The following ZNF35 variants were observed in gnomAD, a reference collection of about 807,000 sequenced individuals.
ZNF35 encodes zinc finger protein 35.
Under a neutral mutation model 45.9 loss-of-function variants are expected in ZNF35, and 31 were observed. The ratio of observed to expected loss-of-function variants is 0.68; its 90% CI spans 0.51 to 0.91. The LOEUF (loss-of-function observed/expected upper bound fraction) is 0.91. ZNF35 is among the 40% of genes least tolerant of loss of function. The probability of loss-of-function intolerance (pLI) is 0.00; values close to 1 mark genes in which losing one functional copy is unlikely to be tolerated. For missense variants in ZNF35, 515 were observed against 625.4 expected (o/e 0.82, Z 1.88); for synonymous variants, 205 against 220.2 (o/e 0.93, Z 0.61).
intron 1 of ZNF35, among the ~76,000 whole-genome samples, chr3:44,649,067 C>T (rs906108955): frequency 6.6e-6 from 1 of 152,224 alleles, no homozygotes; most frequent in Non-Finnish European, 1.5e-5. Context: ...AGATAGGTCC[C>T]AGGGACAGGG....
intron 3 of ZNF35, among the ~76,000 whole-genome samples, chr3:44,655,841 C>G (rs1703290979): frequency 6.6e-6 from 1 of 152,190 alleles, no homozygotes; most frequent in South Asian, 2.1e-4. Context: ...GTTATTGGCT[C>G]TAATCAGTTT....
At position 44,659,114 on chromosome 3, in the gene ZNF35, G is replaced by T; in HGVS notation, c.751G>T (p.Glu251Ter). The T allele has an allele frequency of 6.2e-7, 1 of 1,614,170 alleles. No individual in the cohort carries two copies. Among genetic ancestry groups the T allele is most frequent in the Non-Finnish European group, 8.5e-7 (1 of 1,180,030 alleles). ...QRIHTGEKPF[E>*]CHECGKAFIQ... ...AATCCACACTGGAGAGAAACCCTTT[G>T]AATGTCATGAGTGTGGGAAGGCCTT... is the stretch of plus-strand genomic sequence containing the variant. The change falls in exon 4 of 4, where the codon GAA becomes TAA. Residue 251 changes from glutamate (E) to a stop codon, truncating the protein, a stop_gained. Coordinates refer to ENST00000396056, the MANE Select transcript of ZNF35 (RefSeq NM_003420.4). LOFTEE classifies it high-confidence loss of function. The surrounding 1 kb of genome is among the most constrained non-coding windows in gnomAD (Gnocchi z 4.3).
At chr3:44,652,230 C>T (rs1703217957) in intron 2 of ZNF35, among the ~76,000 whole-genome samples, 1 of 152,170 alleles carries the variant, frequency 6.6e-6, no homozygotes, top group Non-Finnish European at 1.5e-5. Context: ...CAAAACCTTG[C>T]TGCTTTGATC....
intron 3 of ZNF35, among the ~76,000 whole-genome samples, chr3:44,655,616 G>A (rs566980281): frequency 5.3e-5 from 8 of 152,134 alleles, no homozygotes; most frequent in South Asian, 4.1e-4. Flanking sequence ...TTATACGCCC[G>A]GATTATTTGC....
chr3:44,646,544 G>A, upstream of ZNF35: 1 of 1,260,384 alleles, frequency 7.9e-7, no homozygotes, highest in South Asian at 1.2e-5. Context: ...ACGAGAAACA[G>A]ACACATCCAG....
upstream of ZNF35, chr3:44,647,239 G>C (rs1703004770): frequency 6.6e-6 from 1 of 151,572 alleles, no homozygotes; most frequent in African/African-American, 2.4e-5. Flanking sequence ...TAGGCATGAG[G>C]GAAATGCAGA....
rs1212403699 is a variant in ZNF35, at chr3:44,651,205, G to C, written c.138G>C (p.Trp46Cys). ...QQVHSENIKVWAPVQGLQTGL... is the reference protein window; with the variant it reads ...QQVHSENIKVCAPVQGLQTGL... ...TGCACTCCGAGAACATCAAAGTCTG[G>C]GCCCCAGTGCAGGGTCTTCAGACAG... Residue 46 changes from tryptophan to cysteine, a missense_variant, in exon 2 of 4, where the codon TGG (tryptophan) becomes TGC (cysteine). Coordinates refer to ENST00000396056, the MANE Select transcript of ZNF35 (RefSeq NM_003420.4). The C allele has an allele frequency of 1.9e-6, 3 of 1,614,070 alleles. No homozygotes were observed. The highest frequency in any genetic ancestry group is 1.7e-5 in the Admixed American group (1 of 60,010).
At chr3:44,655,744 T>C (rs1703289221) in intron 3 of ZNF35, among the ~76,000 whole-genome samples, 1 of 152,264 alleles carries the variant, frequency 6.6e-6, no homozygotes, top group South Asian at 2.1e-4. Context: ...ATGAATCACT[T>C]GCATGAAAAC....
chr3:44,657,095 T>C (rs560485825), intron 3 of ZNF35, among the ~76,000 whole-genome samples: 2 of 152,314 alleles, frequency 1.3e-5, no homozygotes, highest in South Asian at 4.1e-4. Context: ...GTCTGAATGA[T>C]TGTGATAGAA....
At position 44,652,645 on chromosome 3, in the gene ZNF35, C is replaced by T. The variant is rs1442630722; in HGVS notation, c.281C>T (p.Pro94Leu). Residue 94 changes from proline to leucine, a missense_variant, in exon 3 of 4, where the codon CCA (proline) becomes CTA (leucine). Pro to Leu is a moderately conservative substitution (Grantham distance 98). Coordinates refer to ENST00000396056, the MANE Select transcript of ZNF35 (RefSeq NM_003420.4). The part of the protein sequence containing the change: ...AASTLGSYSL[P>L]GTLAKSEILE... ...TCAACCCTTGGCAGCTACTCATTAC[C>T]AGGGACTCTGGCCAAGAGTGAGATA... 1 of 1,611,174 alleles carries T rather than the reference C, an allele frequency of 6.2e-7. No individual in the cohort carries two copies. The highest frequency in any genetic ancestry group is 1.3e-5 in the African/African-American group (1 of 74,830).
rs144769677 is a variant in ZNF35, at chr3:44,649,899, G to T, written c.-127-1042G>T. Among the ~76,000 whole-genome samples, 326 of 152,268 alleles carry T rather than the reference G, an allele frequency of 2.1e-3. 4 individuals are homozygous for T. Among genetic ancestry groups the T allele is most frequent in the African/African-American group, 6.7e-3 (278 of 41,556 alleles). On this transcript the variant is annotated intron_variant, in intron 1 of 3. Transcript: ENST00000396056. Reference sequence around the variant, plus strand: ...GTATTGAAAGATTGTTAAGACTATTGTGAAATACGGAAATTGAGTTAAAAA... The same window carrying T: ...GTATTGAAAGATTGTTAAGACTATTTTGAAATACGGAAATTGAGTTAAAAA...
At chr3:44,655,820 G>A (rs1359074684) in intron 3 of ZNF35, among the ~76,000 whole-genome samples, 1 of 152,236 alleles carries the variant, frequency 6.6e-6, no homozygotes, top group African/African-American at 2.4e-5. Flanking sequence ...CAGATAGAAG[G>A]AATTGTTTCC....
In ZNF35 at chr3:44,655,147, A is replaced by G. The variant is rs1409147575; in HGVS notation, c.337+2446A>G. 3.3e-5 allele frequency among the ~76,000 whole-genome samples: 5 copies of G among 152,222 alleles called. 1 individual carries two copies. In the East Asian group the frequency reaches 9.6e-4, roughly 29 times the overall value. On this transcript the variant is annotated intron_variant, in intron 3 of 3. Coordinates refer to ENST00000396056, the MANE Select transcript of ZNF35 (RefSeq NM_003420.4). Reference sequence around the variant, plus strand: ...AGACTCTGTCTAAAAAAATAAATTAATTAAAAATTTTAAACATTTAATTCT... The same window carrying G: ...AGACTCTGTCTAAAAAAATAAATTAGTTAAAAATTTTAAACATTTAATTCT...
At chr3:44,647,642 C>T (rs1703035336), upstream of ZNF35, 1 of 152,068 alleles carries the variant, frequency 6.6e-6, no homozygotes. Context: ...TTATTGATAT[C>T]CATAACAACT....
At chr3:44,654,919 ATAT>A (rs1703270545) in intron 3 of ZNF35, among the ~76,000 whole-genome samples, 1 of 152,184 alleles carries the variant, frequency 6.6e-6, no homozygotes, top group Non-Finnish European at 1.5e-5. Flanking sequence ...GAATCACCTG[ATAT>A]CAGGAGTTCG....
intron 1 of ZNF35, among the ~76,000 whole-genome samples, 162 bp downstream of exon 1, chr3:44,648,996 C>T (rs1052313307): frequency 1.3e-5 from 2 of 152,220 alleles, no homozygotes; most frequent in African/African-American, 4.8e-5. Flanking sequence ...CTCGGAATCC[C>T]GGCTGCTGCC....
intron 3 of ZNF35, among the ~76,000 whole-genome samples, chr3:44,654,709 A>G (rs1262121986): frequency 1.3e-5 from 2 of 152,214 alleles, no homozygotes; most frequent in Admixed American, 1.3e-4. Context: ...TTTAAAAACC[A>G]ATTTTTAAGC....
Position 44,651,139 on chromosome 3 carries a change from A to G in ZNF35, c.72A>G (p.Glu24=), listed in dbSNP as rs753622014. ...WGPVKVKKEE[E]EEENFPGQAS... is the part of the protein sequence containing the mutation. Reference sequence around the variant, plus strand: ...CAGTGAAGGTGAAAAAGGAGGAGGAAGAAGAAGAAAACTTCCCAGGTCAGG... The same window carrying G: ...CAGTGAAGGTGAAAAAGGAGGAGGAGGAAGAAGAAAACTTCCCAGGTCAGG... The change falls in exon 2 of 4, where the codon GAA becomes GAG. Residue 24 remains glutamate, a synonymous_variant. Coordinates refer to ENST00000396056, the MANE Select transcript of ZNF35 (RefSeq NM_003420.4). 14 of 1,612,664 alleles carry G rather than the reference A, an allele frequency of 8.7e-6. No individual in the cohort carries two copies. The highest frequency in any genetic ancestry group is 1.3e-5 in the African/African-American group (1 of 74,904).
At chr3:44,649,172 G>T (rs1207422475) in intron 1 of ZNF35, among the ~76,000 whole-genome samples, 1 of 152,254 alleles carries the variant, frequency 6.6e-6, no homozygotes, top group East Asian at 1.9e-4. Flanking sequence ...GCCCTGTGCC[G>T]TCTGGGACCG....
Sources: gnomAD v4.1 joint callset for allele counts (sites outside exome capture counted in the v4.1 genomes callset) on GRCh38, gnomAD v4.1.1 for gene constraint, Gnocchi (gnomAD v3.1) non-coding constraint, MANE v1.5 for transcripts, NCBI Gene and HGNC (gene_info 2026-07-23, HGNC 2026-07-21) for gene names.